CDCP1: variants seen among roughly 807,000 people sequenced by gnomAD.
CDCP1 encodes the protein CUB domain-containing protein 1.
CDCP1 carries 29 observed loss-of-function variants against 60.2 expected under a neutral mutation model. The observed-to-expected ratio is 0.48, with a 90% CI of 0.36 to 0.66. The LOEUF (loss-of-function observed/expected upper bound fraction) is 0.66, where lower values mean the gene tolerates loss of function less well. CDCP1 is among the 30% of genes least tolerant of loss of function. The pLI is 0.00. For missense variants in CDCP1, 876 were observed against 1,074.3 expected (o/e 0.82, Z 2.58); for synonymous variants, 387 against 431.1 (o/e 0.90, Z 1.27).
intron 1 of CDCP1, among the ~76,000 whole-genome samples, chr3:45,135,446 AC>A (rs1699177240): frequency 2.0e-5 from 3 of 152,202 alleles, no homozygotes; most frequent in Non-Finnish European, 4.4e-5. Flanking sequence ...TTCGAACAAA[AC>A]CCAAGCTAGA....
At chr3:45,117,010 C>T (rs977615145) in intron 2 of CDCP1, among the ~76,000 whole-genome samples, 1 of 152,050 alleles carries the variant, frequency 6.6e-6, no homozygotes, top group African/African-American at 2.4e-5. Context: ...TGAGACTAGT[C>T]AGGGATTTGT....
At chr3:45,109,264 T>C (rs1020437087) in intron 4 of CDCP1, among the ~76,000 whole-genome samples, 12 of 151,990 alleles carry the variant, frequency 7.9e-5, no homozygotes, top group Admixed American at 5.2e-4. Context: ...TATATATATC[T>C]ATACACACAT....
chr3:45,124,947 T>C (rs1030784207), intron 1 of CDCP1, among the ~76,000 whole-genome samples: 8 of 152,158 alleles, frequency 5.3e-5, no homozygotes, highest in African/African-American at 1.9e-4. Context: ...CATTTGCCTG[T>C]CTGTTCATTA....
At chr3:45,109,239 G>A (rs1051090115) in intron 4 of CDCP1, among the ~76,000 whole-genome samples, 3 of 151,806 alleles carry the variant, frequency 2.0e-5, no homozygotes, top group South Asian at 2.1e-4. Context: ...ATGAGCCACC[G>A]TGCCCGGCCC....
At chr3:45,145,399 G>A (rs1268311036) in intron 1 of CDCP1, among the ~76,000 whole-genome samples, 3 of 152,274 alleles carry the variant, frequency 2.0e-5, no homozygotes, top group East Asian at 1.9e-4. Flanking sequence ...AATACATCCA[G>A]GGCCCACAGG....
intron 1 of CDCP1, among the ~76,000 whole-genome samples, chr3:45,121,325 A>G (rs1235242293): frequency 6.6e-6 from 1 of 152,210 alleles, no homozygotes; most frequent in Non-Finnish European, 1.5e-5. Context: ...ATGTCAGATT[A>G]AAAATGAATC....
chr3:45,112,051 C>T (rs1698702647), intron 3 of CDCP1, 32 bp downstream of exon 3: 8 of 1,599,778 alleles, frequency 5.0e-6, no homozygotes, highest in Admixed American at 3.4e-5. Context: ...TGTGTTTTAA[C>T]CTAATCAGAT....
chr3:45,125,489 T>A (rs773482886), intron 1 of CDCP1, among the ~76,000 whole-genome samples: 1 of 152,202 alleles, frequency 6.6e-6, no homozygotes, highest in Non-Finnish European at 1.5e-5. Flanking sequence ...ATAATGAAAT[T>A]CCTGTAAGGC....
At chr3:45,131,953 G>C (rs955222371) in intron 1 of CDCP1, among the ~76,000 whole-genome samples, 2 of 152,326 alleles carry the variant, frequency 1.3e-5, no homozygotes, top group South Asian at 2.1e-4. Flanking sequence ...GCCATGTAAG[G>C]CTGGGTGTGG....
At chr3:45,087,100 C>T (rs899120497) in intron 8 of CDCP1, among the ~76,000 whole-genome samples, 3 of 150,762 alleles carry the variant, frequency 2.0e-5, no homozygotes, top group Non-Finnish European at 4.4e-5. Context: ...TATCCTGAAA[C>T]TGACTGTTTA....
intron 1 of CDCP1, among the ~76,000 whole-genome samples, chr3:45,126,100 GTCTCTC>G (rs111756057): frequency 8.9e-6 from 1 of 112,860 alleles, no homozygotes; most frequent in Non-Finnish European, 2.0e-5. Context: ...GCCATTCTTT[GTCTCTC>G]TCTCTTTCTT....
rs771696453 is a variant in CDCP1, at chr3:45,112,149, G to A, written c.589C>T (p.His197Tyr). 5.6e-6 allele frequency: 9 copies of A among 1,614,102 alleles called. No homozygotes were observed. Among genetic ancestry groups the A allele is most frequent in the South Asian group, 1.1e-5 (1 of 91,086 alleles). ...KMQEGVKMAL[H>Y]LPWFHPRNVS... ...TTTCTGGGGTGGAACCATGGGAGGT[G>A]TAAGGCCATTTTCACTCCTTCTTGC... Residue 197 changes from histidine to tyrosine, a missense_variant, in exon 3 of 9, where the codon CAC becomes TAC. Physicochemically the swap from His to Tyr is moderately conservative, Grantham distance 83 (BLOSUM62 2). Coordinates refer to ENST00000296129, the MANE Select transcript of CDCP1 (RefSeq NM_022842.5).
In CDCP1 at chr3:45,133,698, A is replaced by G. The variant is rs1305210215; in HGVS notation, c.82+12508T>C. Among the ~76,000 whole-genome samples, 3 of 9,868 alleles carry G rather than the reference A, an allele frequency of 3.0e-4. 1 individual carries two copies. Among genetic ancestry groups the G allele is most frequent in the Admixed American group, 2.5e-3 (2 of 806 alleles). 6.5% of individuals were successfully genotyped at this position (9,868 alleles called of 152,430 possible). On this transcript the variant is annotated intron_variant, in intron 1 of 8. Transcript: ENST00000296129. The stretch of plus-strand genomic sequence containing the variant: ...GCGCCACTGCACTCCAGCCTGGGCG[A>G]CAGAGCGAGACTCCGTCTCAAAAAA...
chr3:45,124,796 G>A (rs1044919501), intron 1 of CDCP1, among the ~76,000 whole-genome samples: 9 of 152,224 alleles, frequency 5.9e-5, no homozygotes, highest in African/African-American at 2.2e-4. Flanking sequence ...CACCATGGGA[G>A]CCCCAGGATG....
intron 2 of CDCP1, among the ~76,000 whole-genome samples, chr3:45,114,462 G>A (rs1339113969): frequency 4.7e-5 from 7 of 148,814 alleles, no homozygotes; most frequent in Non-Finnish European, 4.4e-5. Flanking sequence ...TGTCACCCAA[G>A]CTGGAATGCA....
intron 1 of CDCP1, among the ~76,000 whole-genome samples, chr3:45,135,347 T>C (rs533249295): frequency 2.0e-5 from 3 of 150,332 alleles, no homozygotes; most frequent in Non-Finnish European, 3.0e-5. Context: ...GGGAGAGAGA[T>C]TGTGGGGCAG....
Position 45,088,170 on chromosome 3 carries a change from C to T in CDCP1, c.2081+884G>A, listed in dbSNP as rs140740887. ...CAGCACGGACTCTGTCTAAAAAGGT[C>T]AACATTTTCCTTTTATAAAATAGAA... On this transcript the variant is annotated intron_variant, in intron 8 of 8. Coordinates refer to ENST00000296129, the MANE Select transcript of CDCP1 (RefSeq NM_022842.5). 1.6e-3 allele frequency among the ~76,000 whole-genome samples: 247 copies of T among 152,236 alleles called. 1 individual carries two copies. The highest frequency in any genetic ancestry group is 5.1e-3 in the African/African-American group (213 of 41,530).
intron 1 of CDCP1, among the ~76,000 whole-genome samples, chr3:45,137,713 G>A (rs1254907377): frequency 1.3e-5 from 2 of 151,082 alleles, no homozygotes; most frequent in Admixed American, 1.3e-4. Context: ...CCAGGTACAT[G>A]GGAGGCTGAG....
chr3:45,115,281 C>T (rs1698764979), intron 2 of CDCP1, among the ~76,000 whole-genome samples: 1 of 151,958 alleles, frequency 6.6e-6, no homozygotes, highest in Non-Finnish European at 1.5e-5. Flanking sequence ...AAGAAAATGT[C>T]ACCTGTTCCC....
Sources: allele counts gnomAD v4.1 joint callset (sites outside exome capture counted in the v4.1 genomes callset), GRCh38; gene constraint gnomAD v4.1.1; transcripts MANE v1.5; gene names NCBI Gene and HGNC (gene_info 2026-07-23, HGNC 2026-07-21).